Variants in SLC35F6 observed in about 807,000 individuals in gnomAD.
SLC35F6 encodes the protein ANT2-binding protein.
A neutral mutation model predicts 29.4 loss-of-function variants in SLC35F6; 26 were observed. The observed-to-expected ratio is 0.89, with a 90% CI of 0.65 to 1.23. The LOEUF (loss-of-function observed/expected upper bound fraction) is 1.23. SLC35F6 is among the 50% of genes most tolerant of loss of function. The pLI is 0.00. For missense variants in SLC35F6, 428 were observed against 487.8 expected, an observed-to-expected ratio of 0.88 and a Z score of 1.15; for synonymous variants, 174 against 206.6, an observed-to-expected ratio of 0.84 and a Z score of 1.35.
Position 26,778,442 on chromosome 2 carries a change from C to T in SLC35F6, c.1047C>T (p.Pro349=), listed in dbSNP as rs777242217. 6.2e-7 allele frequency: 1 copy of T among 1,614,006 alleles called. No homozygotes were observed. The highest frequency in any genetic ancestry group is 1.1e-5 in the South Asian group (1 of 91,080). The stretch of plus-strand genomic sequence containing the variant: ...TGGGCCGCCTGTCCAGGGGCCGGCC[C>T]CTGGCAGAGGAGAGCGAGCAGGAGA... ...PLLGRLSRGR[P]LAEESEQERL... The change falls in exon 6 of 6, where the codon CCC becomes CCT. Residue 349 remains proline, a synonymous_variant. Coordinates refer to ENST00000344420, the MANE Select transcript of SLC35F6 (RefSeq NM_017877.4).
At chr2:26,764,504 G>A in intron 1 of SLC35F6, 78 bp downstream of exon 1, 6 of 1,508,520 alleles carry the variant, frequency 4.0e-6, no homozygotes, top group Non-Finnish European at 4.5e-6. Context: ...TCTTGGCCCT[G>A]CCCTCCTGGC....
At chr2:26,776,982 C>A (rs958698399) in intron 5 of SLC35F6, among the ~76,000 whole-genome samples, 1 of 152,224 alleles carries the variant, frequency 6.6e-6, no homozygotes, top group Admixed American at 6.5e-5. Flanking sequence ...GGGTGGATCA[C>A]TTGAGGTCAG....
intron 4 of SLC35F6, 142 bp from the exon 5 acceptor site, chr2:26,776,230 C>T (rs1664297977): frequency 4.5e-6 from 3 of 673,164 alleles, no homozygotes; most frequent in African/African-American, 3.6e-5. Context: ...GAATCAGGGA[C>T]AGGCAGTGGT....
chr2:26,768,181 C>G (rs1034812974), intron 1 of SLC35F6, among the ~76,000 whole-genome samples: 1 of 152,142 alleles, frequency 6.6e-6, no homozygotes, highest in African/African-American at 2.4e-5. Flanking sequence ...GTTGGGCCAG[C>G]TTGTGGAAGC....
chr2:26,777,521 C>T (rs1389753144), intron 5 of SLC35F6, among the ~76,000 whole-genome samples: 9 of 152,158 alleles, frequency 5.9e-5, no homozygotes, highest in Non-Finnish European at 1.3e-4. Flanking sequence ...TATTTCCACT[C>T]ATTTCTGTTT....
At position 26,775,537 on chromosome 2, in the gene SLC35F6, G is replaced by A. The variant is rs555806199; in HGVS notation, c.396G>A (p.Ser132=). ...TGATCATATTCACTGGCCTGTTCTC[G>A]GTGGCCTTCCTGGGCCGGAGGCTGG... ...GAVIIFTGLF[S]VAFLGRRLVL... The change falls in exon 4 of 6, where the codon TCG becomes TCA. Residue 132 remains serine (S), a synonymous_variant. Coordinates refer to ENST00000344420, the MANE Select transcript of SLC35F6 (RefSeq NM_017877.4). The surrounding 1 kb of genome is among the most constrained non-coding windows in gnomAD (Gnocchi z 4.6). The A allele has an allele frequency of 4.7e-5, 75 of 1,610,846 alleles. 1 individual carries two copies. The Admixed American group carries it at 7.0e-4, about 15-fold the overall frequency.
chr2:26,767,461 C>T (rs905000619), intron 1 of SLC35F6, among the ~76,000 whole-genome samples: 3 of 152,246 alleles, frequency 2.0e-5, no homozygotes, highest in Non-Finnish European at 4.4e-5. Flanking sequence ...CATCTGAGCA[C>T]GTGCTGCCTG....
At chr2:26,772,801 C>T (rs540349961) in intron 1 of SLC35F6, among the ~76,000 whole-genome samples, 4 of 152,272 alleles carry the variant, frequency 2.6e-5, no homozygotes, top group African/African-American at 4.8e-5. Flanking sequence ...CCAGCAAAGA[C>T]GAAATTCAAG....
chr2:26,768,608 C>T (rs1455123404), intron 1 of SLC35F6, among the ~76,000 whole-genome samples: 11 of 151,156 alleles, frequency 7.3e-5, no homozygotes, highest in South Asian at 4.2e-4. Context: ...TCGCCCATCT[C>T]GGCCTCCCAA....
rs900772490 is a variant in SLC35F6 at position 26,778,061 on chromosome 2, C to T, written c.666C>T (p.Ile222=). ...CCCCAGGCCTCTTTGGCTTTGTGAT[C>T]CTCTCCCTGCTGCTGGTGCCCATGT... ...VGTEGLFGFV[I]LSLLLVPMYY... is the part of the protein sequence containing the mutation. The change falls in exon 6 of 6, where the codon ATC becomes ATT. Residue 222 remains isoleucine (I), a synonymous_variant. Coordinates refer to ENST00000344420, the MANE Select transcript of SLC35F6 (RefSeq NM_017877.4). 1 of 1,611,494 alleles carries T rather than the reference C, an allele frequency of 6.2e-7. No homozygotes were observed. The highest frequency in any genetic ancestry group is 8.5e-7 in the Non-Finnish European group (1 of 1,177,990).
intron 1 of SLC35F6, among the ~76,000 whole-genome samples, chr2:26,766,521 C>A (rs1256325998): frequency 1.3e-5 from 2 of 152,220 alleles, no homozygotes; most frequent in African/African-American, 4.8e-5. Flanking sequence ...TTGCTTGAAC[C>A]CGGGAGGCGG....
Position 26,776,415 on chromosome 2 carries a change from G to GCACGTTGCC in SLC35F6, c.579_580insCACGTTGCC (p.Gln193_Met194insHisValAla). 6.2e-7 allele frequency: 1 copy of GCACGTTGCC among 1,614,232 alleles called. No homozygotes were observed. The highest frequency in any genetic ancestry group is 1.7e-5 in the Admixed American group (1 of 60,030). On this transcript the variant is annotated inframe_insertion, in exon 5 of 6. Transcript: ENST00000344420. Reference sequence around the variant, plus strand: ...TGGCCCAGATCATCGTTGCCATCCAGATGGTGCTAGAGGAGAAGTTCGTCT... The same window carrying GCACGTTGCC: ...TGGCCCAGATCATCGTTGCCATCCAGCACGTTGCCATGGTGCTAGAGGAGAAGTTCGTCT...
chr2:26,769,015 G>C (rs778024769), intron 1 of SLC35F6, among the ~76,000 whole-genome samples: 1 of 152,184 alleles, frequency 6.6e-6, no homozygotes, highest in Non-Finnish European at 1.5e-5. Context: ...GCCACCTGCT[G>C]TGGCACCCCA....
At position 26,775,339 on chromosome 2, in the gene SLC35F6, C is replaced by T; in HGVS notation, c.322+124C>T. 6.6e-7 allele frequency: 1 copy of T among 1,513,016 alleles called. No homozygotes were observed. Among genetic ancestry groups the T allele is most frequent in the South Asian group, 1.3e-5 (1 of 78,032 alleles). 93.7% of individuals were successfully genotyped at this position (1,513,016 alleles called of 1,614,324 possible). On this transcript the variant is annotated intron_variant, in intron 3 of 5. Coordinates refer to ENST00000344420, the MANE Select transcript of SLC35F6 (RefSeq NM_017877.4). This position sits in a 1 kb window ranked among gnomAD's most constrained non-coding sequence, Gnocchi z 4.6. ...ACCATTCCCCCAGACTTCACACGCA[C>T]AGGCACACAGGCAGGACTGATCGAG...
At chr2:26,766,616 A>C (rs577378534) in intron 1 of SLC35F6, among the ~76,000 whole-genome samples, 1 of 152,176 alleles carries the variant, frequency 6.6e-6, no homozygotes, top group Non-Finnish European at 1.5e-5. Flanking sequence ...AAATAAAAGG[A>C]AATCACATTT....
In SLC35F6 at chr2:26,776,353, G is replaced by C; in HGVS notation, c.536-19G>C. ...CCCAGTGCAGCCCTGTTCTCATCTG[G>C]GTCCCTCCTTCCCCACAGGGGACCT... On this transcript the variant is annotated intron_variant, in intron 4 of 5. Transcript: ENST00000344420. The C allele has an allele frequency of 6.2e-7, 1 of 1,612,908 alleles. No homozygotes were observed. Among genetic ancestry groups the C allele is most frequent in the Non-Finnish European group, 8.5e-7 (1 of 1,178,900 alleles).
chr2:26,773,766 C>T (rs1051214169), intron 1 of SLC35F6, among the ~76,000 whole-genome samples: 15 of 151,764 alleles, frequency 9.9e-5, no homozygotes, highest in Non-Finnish European at 2.2e-4. Flanking sequence ...GCTTGTACCA[C>T]CACGCCCGGC....
chr2:26,770,316 G>C (rs1348563413), intron 1 of SLC35F6, among the ~76,000 whole-genome samples: 1 of 152,192 alleles, frequency 6.6e-6, no homozygotes, highest in East Asian at 1.9e-4. Flanking sequence ...TGAGGTGAGA[G>C]GATCATATGA....
intron 1 of SLC35F6, 95 bp downstream of exon 1, chr2:26,764,521 T>G (rs1664059658): frequency 6.9e-7 from 1 of 1,456,150 alleles, no homozygotes; most frequent in Non-Finnish European, 9.4e-7. Context: ...TGGCTTCCCC[T>G]GCTTTCCCAC....
Sources: allele counts gnomAD v4.1 joint callset (sites outside exome capture counted in the v4.1 genomes callset), GRCh38; gene constraint gnomAD v4.1.1; non-coding constraint Gnocchi (gnomAD v3.1); transcripts MANE v1.5; gene names NCBI Gene and HGNC (gene_info 2026-07-23, HGNC 2026-07-21).